The following CTNNBIP1 variants were observed in gnomAD, a reference collection of about 807,000 sequenced individuals.
CTNNBIP1 encodes the protein beta-catenin-interacting protein 1.
Under a neutral mutation model 11.8 loss-of-function variants are expected in CTNNBIP1, and 7 were observed. The observed-to-expected ratio is 0.60, with a 90% CI of 0.34 to 1.12. The LOEUF is 1.12. Ranked by LOEUF, CTNNBIP1 falls within the 50% of genes most tolerant of loss-of-function variation. The pLI is 0.03. For synonymous variants in CTNNBIP1, 58 were observed against 43.9 expected (o/e 1.32, Z -1.26); for missense variants, 101 against 113.4 (o/e 0.89, Z 0.50).
chr1:9,849,987 T>C lies in CTNNBIP1; in HGVS notation c.*731A>G. The C allele has an allele frequency of 6.6e-6, 1 of 152,572 alleles. No individual in the cohort carries two copies. 9.5% of individuals were successfully genotyped at this position (152,572 alleles called of 1,614,324 possible). A position where few individuals can be genotyped will look rare whatever the true frequency, so the allele number is the denominator to read the frequency against. On this transcript the variant is annotated 3_prime_UTR_variant, in exon 6 of 6. Transcript: ENST00000377263. ...CATTAAAGCAAATGTACTCTCCAGG[T>C]GGACCCTCAGGCCCAGAGCCGGCAG...
At chr1:9,878,742 G>A (rs1335230091) in intron 2 of CTNNBIP1, among the ~76,000 whole-genome samples, 2 of 152,202 alleles carry the variant, frequency 1.3e-5, no homozygotes, top group Non-Finnish European at 2.9e-5. Flanking sequence ...TGTGAGGGGC[G>A]CTGGGAGCCT....
chr1:9,860,739 C>T (rs1179634579), intron 5 of CTNNBIP1, among the ~76,000 whole-genome samples: 2 of 152,106 alleles, frequency 1.3e-5, no homozygotes, highest in African/African-American at 2.4e-5. Context: ...GAAATCCTCA[C>T]CACCCCTCTT....
chr1:9,850,883 G>A (rs1423678662), intron 5 of CTNNBIP1, 107 bp from the exon 6 acceptor site: 22 of 1,014,036 alleles, frequency 2.2e-5, no homozygotes, highest in East Asian at 4.8e-5. Context: ...CACCAGGATC[G>A]CGGCACTCTC....
chr1:9,870,985 G>T (rs1333112315), intron 5 of CTNNBIP1, among the ~76,000 whole-genome samples: 2 of 152,186 alleles, frequency 1.3e-5, no homozygotes, highest in African/African-American at 4.8e-5. Flanking sequence ...CCCACCTGAG[G>T]AAGGAGATGG....
chr1:9,850,583 G>A lies in CTNNBIP1; in HGVS notation c.*135C>T. The A allele has an allele frequency of 2.7e-6, 2 of 730,420 alleles. No homozygotes were observed. The highest frequency in any genetic ancestry group is 2.5e-6 in the Non-Finnish European group (1 of 404,730). The allele number at this position is 730,420 out of a possible 1,614,324, so 45.2% of individuals were successfully genotyped here. On this transcript the variant is annotated 3_prime_UTR_variant, in exon 6 of 6. Transcript: ENST00000377263. ...CAGCCCCACTGAGTAGCTGTGAGGT[G>A]GGGTGGGGCAGGGCAGGGTTGGGTA...
intron 1 of CTNNBIP1, among the ~76,000 whole-genome samples, chr1:9,900,523 A>C (rs1639502462): frequency 6.6e-6 from 1 of 152,114 alleles, no homozygotes; most frequent in Non-Finnish European, 1.5e-5. Flanking sequence ...CTAACAGGCC[A>C]CTCCTCTTTA....
chr1:9,859,522 G>A (rs1638579595), intron 5 of CTNNBIP1, among the ~76,000 whole-genome samples: 1 of 152,152 alleles, frequency 6.6e-6, no homozygotes, highest in African/African-American at 2.4e-5. Context: ...AAGCCTCCTG[G>A]GGGCCTCTGA....
At position 9,888,549 on chromosome 1, in the gene CTNNBIP1, C is replaced by CA. The variant is rs560557231; in HGVS notation, c.-143-4812dup. Among the ~76,000 whole-genome samples the CA allele has an allele frequency of 8.1e-3, 1,077 of 132,808 alleles. 23 individuals carry two copies. Among genetic ancestry groups the CA allele is most frequent in the East Asian group, 0.078 (361 of 4,644 alleles). The allele number at this position is 132,808 out of a possible 152,430, so 87.1% of individuals were successfully genotyped here. A position where few individuals can be genotyped will look rare whatever the true frequency, so the allele number is the denominator to read the frequency against. On this transcript the variant is annotated intron_variant, in intron 1 of 5. Transcript: ENST00000377263. ...CCTGGGTGACAGAGCAAGACTGCCT[C>CA]AAAAAAAAAAAAAATTAAGAAATGG... is the stretch of plus-strand genomic sequence containing the variant.
intron 2 of CTNNBIP1, among the ~76,000 whole-genome samples, chr1:9,882,487 T>G (rs1273492180): frequency 6.6e-6 from 1 of 151,818 alleles, no homozygotes; most frequent in Admixed American, 6.6e-5. Flanking sequence ...GGCATACACG[T>G]AGGAAGGCCC....
chr1:9,881,630 C>G (rs933648087), intron 2 of CTNNBIP1, among the ~76,000 whole-genome samples: 1 of 152,182 alleles, frequency 6.6e-6, no homozygotes, highest in Non-Finnish European at 1.5e-5. Flanking sequence ...TGAGCCACCA[C>G]GCTGGGCCCC....
At chr1:9,905,571 C>T (rs562193249) in intron 1 of CTNNBIP1, among the ~76,000 whole-genome samples, 5 of 151,952 alleles carry the variant, frequency 3.3e-5, no homozygotes, top group Non-Finnish European at 7.4e-5. Context: ...TACAGGCGCC[C>T]GCCCCCATGC....
intron 3 of CTNNBIP1, among the ~76,000 whole-genome samples, chr1:9,877,554 AACACAT>A (rs1638995094): frequency 1.3e-5 from 2 of 152,208 alleles, no homozygotes; most frequent in Admixed American, 1.3e-4. Context: ...TCCATTTTAA[AACACAT>A]TGTGATAGAT....
chr1:9,895,548 T>A (rs1039815545), intron 1 of CTNNBIP1, among the ~76,000 whole-genome samples: 2 of 151,374 alleles, frequency 1.3e-5, no homozygotes, highest in African/African-American at 4.9e-5. Context: ...CAGGCTAGAG[T>A]GCAGTGGCAC....
chr1:9,877,313 C>A (rs977635563), intron 3 of CTNNBIP1, among the ~76,000 whole-genome samples: 3 of 152,216 alleles, frequency 2.0e-5, no homozygotes, highest in Non-Finnish European at 2.9e-5. Flanking sequence ...CTTTGACAGG[C>A]ACGAGTGGCC....
intron 5 of CTNNBIP1, among the ~76,000 whole-genome samples, chr1:9,857,550 C>G (rs1340128354): frequency 6.6e-6 from 1 of 151,378 alleles, no homozygotes; most frequent in Admixed American, 6.6e-5. Context: ...TGCACTTTGT[C>G]TGCACTTTGG....
chr1:9,871,207 G>C lies in CTNNBIP1; in HGVS notation c.167C>G (p.Pro56Arg). The change falls in exon 5 of 6, where the codon CCT (proline) becomes CGT (arginine). Residue 56 changes from proline to arginine, a missense_variant. Pro to Arg is a moderately radical substitution (Grantham distance 103). Transcript: ENST00000377263. The surrounding 1 kb of genome is among the most constrained non-coding windows in gnomAD (Gnocchi z 5.2). ...GVVNSQLSQL[P>R]PHSIDQGAED... Reference sequence around the variant, plus strand: ...CTCACCCTGGTCGATGGAGTGCGGAGGCAGCTGGCTGAGCTGGCTGTTGAC... The same window carrying C: ...CTCACCCTGGTCGATGGAGTGCGGACGCAGCTGGCTGAGCTGGCTGTTGAC... 6.3e-7 allele frequency: 1 copy of C among 1,578,554 alleles called. No individual in the cohort carries two copies. Among genetic ancestry groups the C allele is most frequent in the Non-Finnish European group, 8.6e-7 (1 of 1,162,852 alleles).
chr1:9,895,253 T>C (rs72638922), intron 1 of CTNNBIP1, among the ~76,000 whole-genome samples: 3,900 of 150,164 alleles, frequency 0.026, 58 homozygotes, highest in Non-Finnish European at 0.04. Flanking sequence ...CGCTGGAATG[T>C]AATGGCACAA....
At chr1:9,881,987 A>C (rs1343802347) in intron 2 of CTNNBIP1, among the ~76,000 whole-genome samples, 1 of 152,266 alleles carries the variant, frequency 6.6e-6, no homozygotes, top group Non-Finnish European at 1.5e-5. Flanking sequence ...TGTTAGGTCA[A>C]GACACAAACC....
At chr1:9,882,165 C>T (rs1020284124) in intron 2 of CTNNBIP1, among the ~76,000 whole-genome samples, 1 of 152,094 alleles carries the variant, frequency 6.6e-6, no homozygotes, top group Non-Finnish European at 1.5e-5. Flanking sequence ...GGAGAAGTCA[C>T]TGGAGCTGGG....
Sources: gnomAD v4.1 joint callset for allele counts (sites outside exome capture counted in the v4.1 genomes callset) on GRCh38, gnomAD v4.1.1 for gene constraint, Gnocchi (gnomAD v3.1) non-coding constraint, MANE v1.5 for transcripts, NCBI Gene and HGNC (gene_info 2026-07-23, HGNC 2026-07-21) for gene names.